The following PTPRT variants were observed in gnomAD, a reference collection of about 807,000 sequenced individuals.
The protein encoded by PTPRT is receptor-type tyrosine-protein phosphatase T.
Under a neutral mutation model 176.8 loss-of-function variants are expected in PTPRT, and 56 were observed. That is an observed-to-expected ratio of 0.32 (90% CI 0.26 to 0.40). The LOEUF (loss-of-function observed/expected upper bound fraction) is 0.40. Among genes scored for constraint, PTPRT ranks in the 10% least tolerant of loss-of-function variants. PTPRT has a pLI of 1.00. For missense variants in PTPRT, 1,540 were observed against 1,908.2 expected (o/e 0.81, Z 3.60); for synonymous variants, 783 against 739.0 (o/e 1.06, Z -0.96).
chr20:42,472,213 T>C, intron 8 of PTPRT, 53 bp downstream of exon 8: 1 of 1,570,370 alleles, frequency 6.4e-7, no homozygotes. Context: ...GCCATGGCCC[T>C]GTGAATAGAT....
chr20:42,781,850 A>C (rs1435714804), intron 3 of PTPRT, among the ~76,000 whole-genome samples: 1 of 152,226 alleles, frequency 6.6e-6, no homozygotes, highest in East Asian at 1.9e-4. Context: ...AAGATAGTAC[A>C]GTGCTTAAAC....
At chr20:42,107,704 G>C (rs1035569378) in intron 23 of PTPRT, among the ~76,000 whole-genome samples, 7 of 152,228 alleles carry the variant, frequency 4.6e-5, no homozygotes, top group African/African-American at 1.7e-4. Context: ...AGCCTGTCAA[G>C]GAGGCCCCCT....
chr20:42,335,079 T>C (rs1352957610), intron 11 of PTPRT, among the ~76,000 whole-genome samples: 1 of 152,132 alleles, frequency 6.6e-6, no homozygotes, highest in Non-Finnish European at 1.5e-5. Flanking sequence ...GAAAGTCAAA[T>C]TGCAAAGACA....
At chr20:42,600,038 C>A (rs8124013) in intron 7 of PTPRT, among the ~76,000 whole-genome samples, 2 of 152,026 alleles carry the variant, frequency 1.3e-5, no homozygotes, top group Non-Finnish European at 2.9e-5. Flanking sequence ...CAGCCCTCTG[C>A]AGCCTTCAAA....
intron 2 of PTPRT, among the ~76,000 whole-genome samples, chr20:42,885,013 C>T (rs1349474843): frequency 1.3e-5 from 2 of 151,866 alleles, no homozygotes; most frequent in African/African-American, 4.8e-5. Flanking sequence ...TCAGGTGTAC[C>T]TCACAGGCCT....
intron 1 of PTPRT, among the ~76,000 whole-genome samples, chr20:43,116,260 T>A (rs1419929797): frequency 6.6e-6 from 1 of 152,158 alleles, no homozygotes; most frequent in Non-Finnish European, 1.5e-5. Flanking sequence ...GACTCTCAGA[T>A]ACCACTGACT....
intron 1 of PTPRT, among the ~76,000 whole-genome samples, chr20:42,974,556 C>A (rs1982834459): frequency 6.6e-6 from 1 of 152,148 alleles, no homozygotes. Flanking sequence ...TCACTCTACA[C>A]TGACTCACAG....
chr20:42,640,240 A>T (rs1404718653), intron 7 of PTPRT, among the ~76,000 whole-genome samples: 1 of 151,942 alleles, frequency 6.6e-6, no homozygotes, highest in Non-Finnish European at 1.5e-5. Context: ...AGTAAAATTT[A>T]TTTTTTTATT....
At chr20:42,389,017 A>G (rs974555038) in intron 9 of PTPRT, among the ~76,000 whole-genome samples, 6 of 152,036 alleles carry the variant, frequency 3.9e-5, no homozygotes, top group South Asian at 2.1e-4. Context: ...TCAGCAAACT[A>G]TCGCAAGGAC....
chr20:42,496,402 A>G (rs1424987915), intron 7 of PTPRT, among the ~76,000 whole-genome samples: 2 of 152,138 alleles, frequency 1.3e-5, no homozygotes, highest in East Asian at 1.9e-4. Flanking sequence ...AGAAGTTTCC[A>G]TGTCCTAAAA....
At chr20:43,051,678 T>C (rs1233006671) in intron 1 of PTPRT, among the ~76,000 whole-genome samples, 1 of 140,566 alleles carries the variant, frequency 7.1e-6, no homozygotes, top group East Asian at 2.1e-4. Flanking sequence ...ATTTTATAAA[T>C]CAAATTCCTG....
At chr20:42,186,241 C>A (rs1024057630) in intron 16 of PTPRT, among the ~76,000 whole-genome samples, 4 of 151,972 alleles carry the variant, frequency 2.6e-5, no homozygotes, top group Non-Finnish European at 2.9e-5. Context: ...AACTACTCAA[C>A]TCTACCATTG....
intron 1 of PTPRT, among the ~76,000 whole-genome samples, chr20:42,991,735 C>T (rs1231524337): frequency 6.6e-6 from 1 of 152,130 alleles, no homozygotes; most frequent in Non-Finnish European, 1.5e-5. Flanking sequence ...GTCTATTTTA[C>T]CACAATAAAC....
At chr20:42,430,671 G>A (rs1263792261) in intron 9 of PTPRT, among the ~76,000 whole-genome samples, 2 of 152,156 alleles carry the variant, frequency 1.3e-5, no homozygotes, top group Admixed American at 1.3e-4. Flanking sequence ...AGATGACTGG[G>A]GACCAGGCAA....
At chr20:42,220,550 AT>A (rs2055862662) in intron 15 of PTPRT, among the ~76,000 whole-genome samples, 1 of 127,782 alleles carries the variant, frequency 7.8e-6, no homozygotes, top group Admixed American at 8.4e-5. Context: ...CTACAAAAAA[AT>A]AAAATAATAA....
intron 17 of PTPRT, among the ~76,000 whole-genome samples, chr20:42,153,627 A>G (rs1002419217): frequency 6.6e-6 from 1 of 152,200 alleles, no homozygotes; most frequent in Non-Finnish European, 1.5e-5. Flanking sequence ...GGGGAATCTC[A>G]CACGAGGGTA....
chr20:42,224,070 A>G (rs541502932), intron 15 of PTPRT, among the ~76,000 whole-genome samples: 1 of 152,214 alleles, frequency 6.6e-6, no homozygotes, highest in Non-Finnish European at 1.5e-5. Context: ...AATGTTCTGC[A>G]CTGTGGTTCA....
At chr20:42,147,112 C>G (rs1348792777) in intron 17 of PTPRT, among the ~76,000 whole-genome samples, 1 of 152,304 alleles carries the variant, frequency 6.6e-6, no homozygotes, top group African/African-American at 2.4e-5. Flanking sequence ...TGGTCATAGG[C>G]TTCTTCAAGG....
chr20:42,271,369 C>A (rs1262631713), intron 13 of PTPRT, among the ~76,000 whole-genome samples: 1 of 152,178 alleles, frequency 6.6e-6, no homozygotes, highest in African/African-American at 2.4e-5. Context: ...AACCTGTTAC[C>A]TCTAGGGAGT....
Sources: allele counts gnomAD v4.1 joint callset (sites outside exome capture counted in the v4.1 genomes callset), GRCh38; gene constraint gnomAD v4.1.1; transcripts MANE v1.5; gene names NCBI Gene and HGNC (gene_info 2026-07-23, HGNC 2026-07-21).